Variants in OPCML observed in about 807,000 individuals in gnomAD.
OPCML encodes opioid-binding protein/cell adhesion molecule.
In OPCML, 13 loss-of-function variants were observed where a neutral mutation model predicts 37.8. That is an observed-to-expected ratio of 0.34 (90% CI 0.22 to 0.55). The LOEUF is 0.55. Ranked by LOEUF, OPCML falls within the 20% of genes least tolerant of loss-of-function variation. The probability of loss-of-function intolerance (pLI) is 0.91; values close to 1 mark genes in which losing one functional copy is unlikely to be tolerated. For synonymous variants in OPCML, 176 were observed against 168.8 expected (o/e 1.04, Z -0.33); for missense variants, 341 against 435.6 (o/e 0.78, Z 1.93).
At chr11:132,972,098 C>T (rs1946355342) in intron 1 of OPCML, among the ~76,000 whole-genome samples, 2 of 152,122 alleles carry the variant, frequency 1.3e-5, no homozygotes, top group African/African-American at 2.4e-5. Context: ...CACAGGCAGA[C>T]ATAGAGTGGC....
chr11:133,179,052 A>G (rs1321277094), intron 1 of OPCML, among the ~76,000 whole-genome samples: 1 of 151,878 alleles, frequency 6.6e-6, no homozygotes, highest in Non-Finnish European at 1.5e-5. Flanking sequence ...CACCCATTTC[A>G]TTTACTGTCC....
intron 1 of OPCML, among the ~76,000 whole-genome samples, chr11:133,444,905 C>G (rs60810530): frequency 0.032 from 3,583 of 113,458 alleles, 166 homozygotes; most frequent in East Asian, 0.092. Context: ...AGAGACCACA[C>G]ACCATATCCA....
intron 1 of OPCML, among the ~76,000 whole-genome samples, chr11:133,387,972 A>G (rs1433421292): frequency 2.0e-5 from 3 of 152,178 alleles, no homozygotes; most frequent in Non-Finnish European, 2.9e-5. Flanking sequence ...TTAGGCAGGA[A>G]CCAGCACCAT....
rs576670670 is a variant in OPCML at position 132,887,662 on chromosome 11, G to A, written c.146+55264C>T. On this transcript the variant is annotated intron_variant, in intron 2 of 7. Coordinates refer to ENST00000524381, the MANE Select transcript of OPCML (RefSeq NM_001012393.5). ...GTACTAAAATTTCATTTTATAGAAC[G>A]ATCACTTTTTGCTTCCTTTTCAGAG... 2.6e-5 allele frequency among the ~76,000 whole-genome samples: 4 copies of A among 152,280 alleles called. No individual in the cohort carries two copies. The East Asian group carries it at 5.8e-4, about 22-fold the overall frequency.
intron 1 of OPCML, chr11:133,422,701 C>T: frequency 1.0e-6 from 1 of 983,714 alleles, no homozygotes; most frequent in Non-Finnish European, 1.2e-6. Flanking sequence ...GAAATATATG[C>T]AAACACTCTC....
At chr11:132,539,984 C>T (rs930982730) in intron 3 of OPCML, among the ~76,000 whole-genome samples, 3 of 151,916 alleles carry the variant, frequency 2.0e-5, no homozygotes, top group Non-Finnish European at 4.4e-5. Context: ...ATGATAATGG[C>T]AAGTGATGCA....
At chr11:132,513,673 C>T (rs2512718) in intron 4 of OPCML, among the ~76,000 whole-genome samples, 77,742 of 151,868 alleles carry the variant, frequency 0.51, 20,530 homozygotes, top group East Asian at 0.8. Context: ...TTTCATTTTC[C>T]TTCTTTTGAA....
intron 3 of OPCML, among the ~76,000 whole-genome samples, chr11:132,578,321 C>CA (rs796617344): frequency 2.8e-4 from 43 of 151,554 alleles, no homozygotes; most frequent in African/African-American, 9.2e-4. Flanking sequence ...AATCATATTC[C>CA]AAAAAAAACA....
chr11:132,965,284 G>A (rs750046836), intron 1 of OPCML, among the ~76,000 whole-genome samples: 4 of 152,100 alleles, frequency 2.6e-5, no homozygotes, highest in Non-Finnish European at 4.4e-5. Context: ...AAAAGAGCTT[G>A]TAAAAATTAG....
chr11:133,463,245 C>A (rs1279825502), intron 1 of OPCML, among the ~76,000 whole-genome samples: 2 of 149,660 alleles, frequency 1.3e-5, no homozygotes, highest in Non-Finnish European at 1.5e-5. Context: ...AGGGAAAGGT[C>A]AGAGAGGGAA....
intron 3 of OPCML, among the ~76,000 whole-genome samples, chr11:132,566,853 G>A (rs1244865777): frequency 1.3e-5 from 2 of 152,122 alleles, no homozygotes; most frequent in Admixed American, 1.3e-4. Flanking sequence ...GAGTGAAACT[G>A]GGATAGTGAT....
At chr11:132,421,474 A>C (rs577358096) in intron 7 of OPCML, among the ~76,000 whole-genome samples, 20 of 152,288 alleles carry the variant, frequency 1.3e-4, no homozygotes, top group African/African-American at 4.6e-4. Context: ...CTTGCCTGTC[A>C]ACCTTATGGT....
intron 2 of OPCML, among the ~76,000 whole-genome samples, chr11:132,852,177 GC>G (rs1941840246): frequency 6.6e-6 from 1 of 152,116 alleles, no homozygotes; most frequent in Non-Finnish European, 1.5e-5. Context: ...TTTTGCAGTT[GC>G]CTTTCTTTGC....
chr11:133,340,896 G>A (rs928652059), intron 1 of OPCML, among the ~76,000 whole-genome samples: 2 of 152,152 alleles, frequency 1.3e-5, no homozygotes, highest in Admixed American at 1.3e-4. Flanking sequence ...TTCTCTGCAA[G>A]GGCCACATAG....
At chr11:132,854,534 G>GC (rs769320626) in intron 2 of OPCML, among the ~76,000 whole-genome samples, 1 of 152,164 alleles carries the variant, frequency 6.6e-6, no homozygotes, top group Non-Finnish European at 1.5e-5. Context: ...CTAAGCAGGA[G>GC]CCCCCAGCCA....
intron 1 of OPCML, among the ~76,000 whole-genome samples, chr11:133,094,599 C>T (rs1948968611): frequency 6.6e-6 from 1 of 152,138 alleles, no homozygotes; most frequent in Non-Finnish European, 1.5e-5. Flanking sequence ...AGACTATATT[C>T]TGCAGCTTCT....
rs1311230233 is a variant in OPCML at position 133,304,447 on chromosome 11, T to C, written c.61+227817A>G. Among the ~76,000 whole-genome samples the C allele has an allele frequency of 2.0e-5, 3 of 152,238 alleles. No individual in the cohort carries two copies. In the South Asian group the frequency reaches 6.2e-4, roughly 32 times the overall value. On this transcript the variant is annotated intron_variant, in intron 1 of 7. Coordinates refer to ENST00000524381, the MANE Select transcript of OPCML (RefSeq NM_001012393.5). The stretch of plus-strand genomic sequence containing the variant: ...CGATTCCATGAACTGGGACCTGTTA[T>C]GCCTTCCATTTTACAGATGCAAAAG...
intron 7 of OPCML, among the ~76,000 whole-genome samples, chr11:132,430,964 A>G (rs1344694667): frequency 2.0e-5 from 3 of 152,150 alleles, no homozygotes; most frequent in South Asian, 2.1e-4. Flanking sequence ...GGGTTGGCGA[A>G]CTGAGAGAAA....
At chr11:133,104,031 A>T (rs940796496) in intron 1 of OPCML, among the ~76,000 whole-genome samples, 1 of 152,200 alleles carries the variant, frequency 6.6e-6, no homozygotes, top group African/African-American at 2.4e-5. Flanking sequence ...ATCATTCAAG[A>T]GTTACAGGCT....
Sources: allele counts gnomAD v4.1 joint callset (sites outside exome capture counted in the v4.1 genomes callset), GRCh38; gene constraint gnomAD v4.1.1; transcripts MANE v1.5; gene names NCBI Gene and HGNC (gene_info 2026-07-23, HGNC 2026-07-21).